Variants in MYO5A observed in about 807,000 individuals in gnomAD.
MYO5A encodes myosin VA, also known as unconventional myosin-Va.
Under a neutral mutation model 249.7 loss-of-function variants are expected in MYO5A, and 98 were observed. The ratio of observed to expected loss-of-function variants is 0.39; its 90% CI spans 0.33 to 0.46. The LOEUF (loss-of-function observed/expected upper bound fraction) is 0.46. MYO5A is among the 20% of genes least tolerant of loss of function. The probability of loss-of-function intolerance (pLI) is 0.98; values close to 1 mark genes in which losing one functional copy is unlikely to be tolerated. For synonymous variants in MYO5A, 778 were observed against 810.6 expected (o/e 0.96, Z 0.68); for missense variants, 1,696 against 2,308.8 (o/e 0.73, Z 5.44).
At chr15:52,340,530 T>A in intron 31 of MYO5A, 136 bp from the exon 32 acceptor site, 6 of 764,516 alleles carry the variant, frequency 7.8e-6, no homozygotes, top group South Asian at 1.6e-5. Context: ...TCTGACTTGA[T>A]TAAAGTCAAG....
At chr15:52,462,265 C>CAA (rs71425749) in intron 1 of MYO5A, among the ~76,000 whole-genome samples, 3 of 83,324 alleles carry the variant, frequency 3.6e-5, no homozygotes, top group Non-Finnish European at 5.0e-5. Context: ...GACTCTGTCT[C>CAA]AAAAAAAAAA....
chr15:52,368,366 A>G (rs1342927156), intron 22 of MYO5A, among the ~76,000 whole-genome samples: 2 of 152,124 alleles, frequency 1.3e-5, no homozygotes, highest in African/African-American at 4.8e-5. Context: ...GGGGTGCACA[A>G]CCAATCACCT....
At chr15:52,354,159 T>C in intron 25 of MYO5A, 145 bp from the exon 26 acceptor site, 1 of 963,356 alleles carries the variant, frequency 1.0e-6, no homozygotes, top group Non-Finnish European at 1.5e-6. Flanking sequence ...TTTAAAATGC[T>C]CAACCTAGCT....
At chr15:52,342,420 C>T (rs1212201428) in intron 31 of MYO5A, among the ~76,000 whole-genome samples, 1 of 152,166 alleles carries the variant, frequency 6.6e-6, no homozygotes, top group African/African-American at 2.4e-5. Flanking sequence ...GTAGATCTAT[C>T]TATAGGATAT....
Position 52,317,109 on chromosome 15 carries a change from T to C in MYO5A, c.5348A>G (p.Lys1783Arg). 1 of 1,614,176 alleles carries C rather than the reference T, an allele frequency of 6.2e-7. No homozygotes were observed. Among genetic ancestry groups the C allele is most frequent in the South Asian group, 1.1e-5 (1 of 91,084 alleles). ...GGCTTCTGCATCATCATCTGTTTTCTTTTTCACTTGCAAAAGTTGAGCAGC... is the reference window on the plus strand; with the variant it reads ...GGCTTCTGCATCATCATCTGTTTTCCTTTTCACTTGCAAAAGTTGAGCAGC... ...IQAAQLLQVK[K>R]KTDDDAEAIC... Residue 1783 changes from lysine (K) to arginine (R), a missense_variant, in exon 40 of 42, where the codon AAG becomes AGG. This residue lies in a region of MYO5A where 625 missense variants were observed against 908.1 expected (regional missense o/e 0.69). Coordinates refer to ENST00000399233, the MANE Select transcript of MYO5A (RefSeq NM_001382347.1).
At chr15:52,473,661 C>T (rs1172770855) in intron 1 of MYO5A, among the ~76,000 whole-genome samples, 1 of 152,210 alleles carries the variant, frequency 6.6e-6, no homozygotes, top group African/African-American at 2.4e-5. Context: ...AATCCTTTCC[C>T]CATTTCTTGT....
chr15:52,499,084 C>T (rs1156386205), intron 1 of MYO5A, among the ~76,000 whole-genome samples: 1 of 152,206 alleles, frequency 6.6e-6, no homozygotes, highest in Non-Finnish European at 1.5e-5. Flanking sequence ...ACTGAAATTG[C>T]TTTTAGTGGC....
At chr15:52,525,979 CA>C (rs2077722959) in intron 1 of MYO5A, among the ~76,000 whole-genome samples, 1 of 152,148 alleles carries the variant, frequency 6.6e-6, no homozygotes, top group African/African-American at 2.4e-5. Context: ...AAACATTAAG[CA>C]AAGTACCTGG....
Position 52,372,148 on chromosome 15 carries a change from C to G in MYO5A, c.2793G>C (p.Gln931His). 6.2e-7 allele frequency: 1 copy of G among 1,613,734 alleles called. No homozygotes were observed. The highest frequency in any genetic ancestry group is 8.5e-7 in the Non-Finnish European group (1 of 1,180,020). Residue 931 changes from glutamine (Q) to histidine (H), a missense_variant, in exon 21 of 42, where the codon CAG becomes CAC. This residue lies in a region of MYO5A where 412 missense variants were observed against 453.3 expected (regional missense o/e 0.91). Transcript: ENST00000399233. ...CCTGCTCATCAACTTTGCGCTGCAG[C>G]TGCATGATCTTGTTCTCCATGCCGA... ...LHIGMENKIM[Q>H]LQRKVDEQNK...
intron 1 of MYO5A, among the ~76,000 whole-genome samples, chr15:52,441,567 T>C (rs2075786949): frequency 1.3e-5 from 2 of 152,224 alleles, no homozygotes; most frequent in Non-Finnish European, 2.9e-5. Context: ...TGTTTCACAC[T>C]TGTAAGCCTT....
At chr15:52,441,535 C>G (rs1427076618) in intron 1 of MYO5A, among the ~76,000 whole-genome samples, 1 of 152,192 alleles carries the variant, frequency 6.6e-6, no homozygotes, top group Non-Finnish European at 1.5e-5. Context: ...TATGGGTTTG[C>G]TATACCCTGA....
chr15:52,477,847 T>C (rs1457070257), intron 1 of MYO5A, among the ~76,000 whole-genome samples: 2 of 152,212 alleles, frequency 1.3e-5, no homozygotes, highest in Admixed American at 6.5e-5. Flanking sequence ...CCAGTTAGGC[T>C]ACTCAGGGGT....
At chr15:52,520,646 C>T (rs2077598507) in intron 1 of MYO5A, among the ~76,000 whole-genome samples, 1 of 152,108 alleles carries the variant, frequency 6.6e-6, no homozygotes, top group Non-Finnish European at 1.5e-5. Context: ...TCTGTTTCTT[C>T]CAACTAAAAC....
chr15:52,394,663 C>G (rs1455454043), intron 11 of MYO5A, among the ~76,000 whole-genome samples: 1 of 152,134 alleles, frequency 6.6e-6, no homozygotes, highest in African/African-American at 2.4e-5. Flanking sequence ...CGCAAGAGAC[C>G]AAAACACACA....
Position 52,513,013 on chromosome 15 carries a change from GA to G in MYO5A, c.27+15766del, listed in dbSNP as rs375470412. On this transcript the variant is annotated intron_variant, in intron 1 of 41. Coordinates refer to ENST00000399233, the MANE Select transcript of MYO5A (RefSeq NM_001382347.1). ...ACAGAGCCAGACTCTGTCTCCACAG[GA>G]AAAAAAAAAAAGTATTCCAGATGAT... Among the ~76,000 whole-genome samples the G allele has an allele frequency of 2.3e-3, 319 of 140,246 alleles. 1 individual carries two copies. The highest frequency in any genetic ancestry group is 5.3e-3 in the African/African-American group (205 of 38,348). 92.0% of individuals were successfully genotyped at this position (140,246 alleles called of 152,430 possible).
At chr15:52,329,521 C>G (rs1344137791) in intron 35 of MYO5A, among the ~76,000 whole-genome samples, 3 of 152,214 alleles carry the variant, frequency 2.0e-5, no homozygotes, top group Admixed American at 6.5e-5. Flanking sequence ...GTGTGCTGCC[C>G]TGAAATGCTT....
chr15:52,416,348 A>G, intron 4 of MYO5A, 47 bp from the exon 5 acceptor site: 2 of 1,580,680 alleles, frequency 1.3e-6, no homozygotes, highest in South Asian at 2.3e-5. Context: ...TGCTGCCTAT[A>G]GCAGGATTGA....
intron 12 of MYO5A, among the ~76,000 whole-genome samples, chr15:52,390,545 T>G (rs1163541529): frequency 6.7e-6 from 1 of 148,676 alleles, no homozygotes; most frequent in African/African-American, 2.5e-5. Context: ...TATTTCTCCC[T>G]CTCTTTTTTT....
At chr15:52,491,427 G>A (rs2076933794) in intron 1 of MYO5A, among the ~76,000 whole-genome samples, 1 of 152,108 alleles carries the variant, frequency 6.6e-6, no homozygotes, top group South Asian at 2.1e-4. Flanking sequence ...TAAAAAATAA[G>A]AAAACCCCAC....
Sources: allele counts gnomAD v4.1 joint callset (sites outside exome capture counted in the v4.1 genomes callset), GRCh38; gene constraint gnomAD v4.1.1; regional missense constraint gnomAD v4.1.1; transcripts MANE v1.5; gene names NCBI Gene and HGNC (gene_info 2026-07-23, HGNC 2026-07-21).